The following PATL2 variants were observed in gnomAD, a reference collection of about 807,000 sequenced individuals.
The protein encoded by PATL2 is PAT1 homolog 2.
PATL2 carries 73 observed loss-of-function variants against 77.0 expected under a neutral mutation model. The ratio of observed to expected loss-of-function variants is 0.95; its 90% CI spans 0.78 to 1.15. PATL2 has a LOEUF of 1.15. Among genes scored for constraint, PATL2 ranks in the 50% most tolerant of loss-of-function variants. The pLI is 0.00. For synonymous variants in PATL2, 265 were observed against 257.1 expected (o/e 1.03, Z -0.29); for missense variants, 618 against 655.4 (o/e 0.94, Z 0.62).
At position 44,675,537 on chromosome 15, in the gene PATL2, TTCC is replaced by T; in HGVS notation, c.168_170del (p.Glu58del). 1.9e-6 allele frequency: 3 copies of T among 1,551,908 alleles called. No homozygotes were observed. Among genetic ancestry groups the T allele is most frequent in the Non-Finnish European group, 2.6e-6 (3 of 1,147,042 alleles). ...CAGCTGGATCCCCAAGATCATTCTC[TTCC>T]TCCTCTAGGTCTGGGTCCAGATCTG... On this transcript the variant is annotated inframe_deletion, in exon 5 of 18. Transcript: ENST00000682850.
intron 3 of PATL2, among the ~76,000 whole-genome samples, chr15:44,700,696 A>C (rs751505481): frequency 1.3e-5 from 2 of 152,150 alleles, no homozygotes; most frequent in Non-Finnish European, 2.9e-5. Context: ...CAAATATAAG[A>C]TCATATCATC....
chr15:44,693,310 G>T (rs940891987), intron 3 of PATL2, among the ~76,000 whole-genome samples: 7 of 152,220 alleles, frequency 4.6e-5, no homozygotes, highest in African/African-American at 1.7e-4. Context: ...CAAGGTGGCA[G>T]CCGAGAAGCA....
At chr15:44,708,067 C>T (rs2086777117) in intron 3 of PATL2, among the ~76,000 whole-genome samples, 1 of 152,252 alleles carries the variant, frequency 6.6e-6, no homozygotes, top group Admixed American at 6.5e-5. Context: ...CTCCCAGAAG[C>T]ACACATTCTC....
chr15:44,676,587 G>A, intron 3 of PATL2, 22 bp from the exon 4 acceptor site: 2 of 1,533,422 alleles, frequency 1.3e-6, no homozygotes, highest in Non-Finnish European at 1.8e-6. Flanking sequence ...AAGAGGCCAA[G>A]AGGCACCATC....
At chr15:44,692,870 C>T (rs1177025999) in intron 3 of PATL2, among the ~76,000 whole-genome samples, 1 of 152,218 alleles carries the variant, frequency 6.6e-6, no homozygotes, top group African/African-American at 2.4e-5. Flanking sequence ...ACTGCCAGGA[C>T]TCTGGCCTGT....
chr15:44,708,238 T>TG (rs147012033), intron 3 of PATL2, among the ~76,000 whole-genome samples: 1,753 of 152,316 alleles, frequency 0.012, 36 homozygotes, highest in African/African-American at 0.04. Context: ...GTGCTTTTTT[T>TG]TGTGTGGATC....
intron 3 of PATL2, among the ~76,000 whole-genome samples, chr15:44,704,071 C>T (rs1043570373): frequency 6.6e-6 from 1 of 151,856 alleles, no homozygotes; most frequent in Non-Finnish European, 1.5e-5. Context: ...TCACTGCAAC[C>T]TCTGCCTTTC....
intron 3 of PATL2, among the ~76,000 whole-genome samples, chr15:44,701,522 C>A (rs2086628819): frequency 6.6e-6 from 1 of 151,346 alleles, no homozygotes; most frequent in Non-Finnish European, 1.5e-5. Context: ...ATGGTGAAAC[C>A]CTATCTCTAC....
intron 3 of PATL2, among the ~76,000 whole-genome samples, chr15:44,679,647 C>A (rs922152801): frequency 1.3e-5 from 2 of 151,000 alleles, no homozygotes; most frequent in African/African-American, 4.9e-5. Flanking sequence ...CCTGCCTCGG[C>A]CTCCAGAGTG....
intron 3 of PATL2, among the ~76,000 whole-genome samples, chr15:44,697,023 A>G (rs2086517797): frequency 6.6e-6 from 1 of 152,206 alleles, no homozygotes; most frequent in South Asian, 2.1e-4. Flanking sequence ...AAACAGATTT[A>G]ACCAAGAGGT....
intron 9 of PATL2, among the ~76,000 whole-genome samples, chr15:44,671,076 C>T (rs1212899686): frequency 6.6e-6 from 1 of 152,154 alleles, no homozygotes; most frequent in Admixed American, 6.5e-5. Context: ...CTTTCAGTGA[C>T]CCTCGCAGAA....
Position 44,670,002 on chromosome 15 carries a change from G to A in PATL2, c.743C>T (p.Thr248Met), listed in dbSNP as rs750451009. The A allele has an allele frequency of 3.1e-5, 48 of 1,549,962 alleles. No homozygotes were observed. The highest frequency in any genetic ancestry group is 1.7e-4 in the Middle Eastern group (1 of 5,980). ...AGCCTCTGCCTTCGGAATGTAAGGC[G>A]TTACCAGCTTGAGGGACTCAACCCG... Reference protein sequence around the residue: ...RNRVESLKLVTPYIPKAEAYE... With the variant: ...RNRVESLKLVMPYIPKAEAYE... The change falls in exon 10 of 18, where the codon ACG (threonine) becomes ATG (methionine). Residue 248 changes from threonine to methionine, a missense_variant. Physicochemically the swap from Thr to Met is moderately conservative, Grantham distance 81. Transcript: ENST00000682850.
intron 3 of PATL2, among the ~76,000 whole-genome samples, chr15:44,705,975 T>G (rs2141273286): frequency 6.6e-6 from 1 of 152,168 alleles, no homozygotes; most frequent in South Asian, 2.1e-4. Context: ...TATTTTTGTA[T>G]TTTTAGTAGA....
chr15:44,681,986 G>A (rs1286697730), intron 3 of PATL2, among the ~76,000 whole-genome samples: 1 of 152,186 alleles, frequency 6.6e-6, no homozygotes, highest in African/African-American at 2.4e-5. Flanking sequence ...TCTCGTAATC[G>A]CTGTGCACCA....
intron 4 of PATL2, 195 bp downstream of exon 4, chr15:44,676,280 A>G: frequency 1.6e-6 from 1 of 606,096 alleles, no homozygotes; most frequent in Non-Finnish European, 3.0e-6. Flanking sequence ...TGTTGTTGAT[A>G]ATTTTACTAG....
At position 44,669,545 on chromosome 15, in the gene PATL2, T is replaced by C; in HGVS notation, c.895A>G (p.Ser299Gly). ...CGGTATAATACCCGAAGCCTCTGAC[T>C]GCTTGCAGCTTCTATATCCTAGGAG... ...TQEQDIEAAS[S>G]QRLRVLYRIE... Residue 299 changes from serine (S) to glycine (G), a missense_variant, in exon 12 of 18, where the codon AGT becomes GGT. Coordinates refer to ENST00000682850, the MANE Select transcript of PATL2 (RefSeq NM_001387263.1). The C allele has an allele frequency of 6.4e-7, 1 of 1,551,456 alleles. No homozygotes were observed. The highest frequency in any genetic ancestry group is 8.7e-7 in the Non-Finnish European group (1 of 1,146,950).
In PATL2 at chr15:44,681,803, T is replaced by C. The variant is rs562538951; in HGVS notation, c.-75-5238A>G. On this transcript the variant is annotated intron_variant, in intron 3 of 17. Transcript: ENST00000682850. ...CCCCTCAACTTACAACACCTCAGTG[T>C]TTCTCATGTCCCATTCTTTACATAA... Among the ~76,000 whole-genome samples the C allele has an allele frequency of 2.0e-4, 31 of 152,334 alleles. No homozygotes were observed. In the South Asian group the frequency reaches 6.2e-3, roughly 31 times the overall value.
chr15:44,694,950 A>C (rs1248196209), intron 3 of PATL2, among the ~76,000 whole-genome samples: 1 of 152,124 alleles, frequency 6.6e-6, no homozygotes, highest in Non-Finnish European at 1.5e-5. Flanking sequence ...AGCCAGAAAG[A>C]GTCATCGTCC....
At chr15:44,684,184 C>G (rs1414271347) in intron 3 of PATL2, among the ~76,000 whole-genome samples, 1 of 151,852 alleles carries the variant, frequency 6.6e-6, no homozygotes, top group African/African-American at 2.4e-5. Flanking sequence ...CCAGAACATC[C>G]CTTCTCCTCC....
Sources: allele counts gnomAD v4.1 joint callset (sites outside exome capture counted in the v4.1 genomes callset), GRCh38; gene constraint gnomAD v4.1.1; transcripts MANE v1.5; gene names NCBI Gene and HGNC (gene_info 2026-07-23, HGNC 2026-07-21).